SCNN1G: variants seen among roughly 807,000 people sequenced by gnomAD.
The protein encoded by SCNN1G is sodium channel epithelial 1 subunit gamma.
In SCNN1G, 27 loss-of-function variants were observed where a neutral mutation model predicts 64.6. The observed-to-expected ratio is 0.42, with a 90% CI of 0.31 to 0.58. The LOEUF (loss-of-function observed/expected upper bound fraction) is 0.58. Among genes scored for constraint, SCNN1G ranks in the 20% least tolerant of loss-of-function variants. The pLI is 0.18. For missense variants in SCNN1G, 743 were observed against 823.4 expected (o/e 0.90, Z 1.19); for synonymous variants, 330 against 314.2 (o/e 1.05, Z -0.53).
chr16:23,210,067 C>A (rs1052041981), intron 7 of SCNN1G, among the ~76,000 whole-genome samples: 4 of 152,288 alleles, frequency 2.6e-5, no homozygotes, highest in African/African-American at 9.6e-5. Flanking sequence ...CTGTGGAACT[C>A]AATGTACAGC....
intron 6 of SCNN1G, among the ~76,000 whole-genome samples, chr16:23,205,523 C>A (rs946476965): frequency 7.2e-5 from 11 of 152,024 alleles, no homozygotes; most frequent in African/African-American, 2.7e-4. Context: ...CATGGTGAAA[C>A]CCCATCTCTA....
intron 6 of SCNN1G, among the ~76,000 whole-genome samples, chr16:23,206,602 G>A (rs1458108002): frequency 6.6e-6 from 1 of 152,104 alleles, no homozygotes; most frequent in Non-Finnish European, 1.5e-5. Flanking sequence ...GTGACAGATC[G>A]AGACCCTGTC....
rs778177422 is a variant in SCNN1G, at chr16:23,215,473, A to G, written c.*4A>G. Reference sequence around the variant, plus strand: ...CCAGATGCTGGATGAGCTCTGAGGCAGGGTTGAGAAGACAGATCTAGTCAG... The same window carrying G: ...CCAGATGCTGGATGAGCTCTGAGGCGGGGTTGAGAAGACAGATCTAGTCAG... On this transcript the variant is annotated 3_prime_UTR_variant, in exon 13 of 13. Transcript: ENST00000300061. 11 of 1,606,580 alleles carry G rather than the reference A, an allele frequency of 6.8e-6. No homozygotes were observed. The South Asian group carries it at 1.2e-4, about 18-fold the overall frequency.
At chr16:23,186,729 C>A in intron 2 of SCNN1G, 141 bp downstream of exon 2, 1 of 761,096 alleles carries the variant, frequency 1.3e-6, no homozygotes, top group Non-Finnish European at 2.2e-6. Context: ...GAATTTGTTG[C>A]TAACGCTGGT....
At chr16:23,208,583 C>CTCCCT (rs951336928) in intron 6 of SCNN1G, among the ~76,000 whole-genome samples, 18 of 151,402 alleles carry the variant, frequency 1.2e-4, no homozygotes, top group Admixed American at 2.0e-4. Flanking sequence ...CTTCCTTTCT[C>CTCCCT]TCCCTTCCCT....
intron 6 of SCNN1G, among the ~76,000 whole-genome samples, chr16:23,198,991 C>A (rs1344251188): frequency 6.6e-6 from 1 of 151,744 alleles, no homozygotes; most frequent in African/African-American, 2.4e-5. Context: ...GAGTTCAAGA[C>A]CCAGCTTGGG....
rs199888130 is a variant in SCNN1G at position 23,192,409 on chromosome 16, A to G, written c.676A>G (p.Ile226Val). 25 of 1,613,998 alleles carry G rather than the reference A, an allele frequency of 1.5e-5. No individual in the cohort carries two copies. Among genetic ancestry groups the G allele is most frequent in the Non-Finnish European group, 2.0e-5 (24 of 1,179,968 alleles). ...CACCTTCAGCTCGGGAATCAATGCCATTCAGGAGTGGTATAAGCTACACTA... is the reference window on the plus strand; with the variant it reads ...CACCTTCAGCTCGGGAATCAATGCCGTTCAGGAGTGGTATAAGCTACACTA... Reference protein sequence around the residue: ...TYTFSSGINAIQEWYKLHYMN... With the variant: ...TYTFSSGINAVQEWYKLHYMN... The change falls in exon 4 of 13, where the codon ATT becomes GTT. Residue 226 changes from isoleucine (I) to valine (V), a missense_variant. By Grantham distance (29) the Ile-to-Val change is conservative. Coordinates refer to ENST00000300061, the MANE Select transcript of SCNN1G (RefSeq NM_001039.4).
Position 23,186,493 on chromosome 16 carries a change from C to A in SCNN1G, c.222C>A (p.Leu74=). 3.1e-6 allele frequency: 5 copies of A among 1,614,094 alleles called. No homozygotes were observed. Among genetic ancestry groups the A allele is most frequent in the Non-Finnish European group, 4.2e-6 (5 of 1,180,020 alleles). Residue 74 remains leucine, a synonymous_variant, in exon 2 of 13, where the codon CTC becomes CTA. Coordinates refer to ENST00000300061, the MANE Select transcript of SCNN1G (RefSeq NM_001039.4). Reference sequence around the variant, plus strand: ...TCATCCTCTGGCAGTGCGCCCTCCTCGTCTTCTCCTTCTATACTGTCTCAG... The same window carrying A: ...TCATCCTCTGGCAGTGCGCCCTCCTAGTCTTCTCCTTCTATACTGTCTCAG... The part of the protein sequence containing the change: ...VALILWQCAL[L]VFSFYTVSVS...
At chr16:23,189,045 T>G (rs938768537) in intron 2 of SCNN1G, among the ~76,000 whole-genome samples, 2 of 151,928 alleles carry the variant, frequency 1.3e-5, no homozygotes, top group Non-Finnish European at 2.9e-5. Flanking sequence ...CTGTGGCTGG[T>G]TTATGGGAGG....
intron 2 of SCNN1G, 35 bp from the exon 3 acceptor site, chr16:23,189,336 C>G (rs779839032): frequency 6.2e-7 from 1 of 1,607,812 alleles, no homozygotes; most frequent in Non-Finnish European, 8.5e-7. Flanking sequence ...AGGGCCGCCT[C>G]CCCTCTCCCT....
intron 1 of SCNN1G, among the ~76,000 whole-genome samples, 174 bp downstream of exon 1, chr16:23,182,987 AGCTCTCCCG>A (rs1959544896): frequency 6.6e-6 from 1 of 152,086 alleles, no homozygotes; most frequent in Non-Finnish European, 1.5e-5. Flanking sequence ...GGTAGCGGCC[AGCTCTCCCG>A]GGTCTACCCA....
rs72646490 is a variant in SCNN1G, at chr16:23,189,033, C to T, written c.318-338C>T. ...TGGTTGGCAGTTATTTACTTGTCCT[C>T]ACTGTGGCTGGTTTATGGGAGGCAC... On this transcript the variant is annotated intron_variant, in intron 2 of 12. Coordinates refer to ENST00000300061, the MANE Select transcript of SCNN1G (RefSeq NM_001039.4). Among the ~76,000 whole-genome samples the T allele has an allele frequency of 5.7e-4, 87 of 152,246 alleles. 1 individual carries two copies. The highest frequency in any genetic ancestry group is 1.5e-3 in the African/African-American group (62 of 41,544).
intron 3 of SCNN1G, among the ~76,000 whole-genome samples, chr16:23,191,793 T>C (rs1235346354): frequency 1.3e-5 from 2 of 152,234 alleles, no homozygotes; most frequent in East Asian, 3.8e-4. Context: ...ATTTGGAATG[T>C]ATAATGGCTT....
intron 2 of SCNN1G, among the ~76,000 whole-genome samples, chr16:23,188,466 T>G (rs1425425744): frequency 6.6e-6 from 1 of 151,996 alleles, no homozygotes; most frequent in Non-Finnish European, 1.5e-5. Flanking sequence ...GAACCATGAT[T>G]GCACCACTGC....
intron 6 of SCNN1G, among the ~76,000 whole-genome samples, chr16:23,197,983 G>T (rs1046333925): frequency 6.6e-6 from 1 of 152,142 alleles, no homozygotes; most frequent in Non-Finnish European, 1.5e-5. Flanking sequence ...TGGAAGCAAG[G>T]CATTAGGACA....
chr16:23,194,035 AG>A, intron 4 of SCNN1G, 135 bp from the exon 5 acceptor site: 1 of 715,872 alleles, frequency 1.4e-6, no homozygotes, highest in East Asian at 2.6e-5. Context: ...TTTGATCAGG[AG>A]CAAGATGGGG....
chr16:23,211,920 A>G, intron 7 of SCNN1G, 114 bp from the exon 8 acceptor site: 1 of 803,058 alleles, frequency 1.2e-6, no homozygotes, highest in Non-Finnish European at 2.2e-6. Flanking sequence ...GGGCAGGTTC[A>G]TGTGGTTGGC....
At position 23,210,759 on chromosome 16, in the gene SCNN1G, T is replaced by C. The variant is rs571889608; in HGVS notation, c.1176+911T>C. ...TAAAAGAGGACTTTTGGGCCAGGCATGGTAGCTCATGCCTATAATCCCAGC... is the reference window on the plus strand; with the variant it reads ...TAAAAGAGGACTTTTGGGCCAGGCACGGTAGCTCATGCCTATAATCCCAGC... On this transcript the variant is annotated intron_variant, in intron 7 of 12. Transcript: ENST00000300061. 3.4e-4 allele frequency among the ~76,000 whole-genome samples: 52 copies of C among 152,188 alleles called. 1 individual carries two copies. The highest frequency in any genetic ancestry group is 1.2e-3 in the African/African-American group (50 of 41,538).
At chr16:23,211,822 A>C (rs1382847354) in intron 7 of SCNN1G, among the ~76,000 whole-genome samples, 2 of 152,240 alleles carry the variant, frequency 1.3e-5, no homozygotes, top group East Asian at 3.9e-4. Context: ...AAAACATAAA[A>C]AATAAAAATA....
Sources: allele counts gnomAD v4.1 joint callset (sites outside exome capture counted in the v4.1 genomes callset), GRCh38; gene constraint gnomAD v4.1.1; transcripts MANE v1.5; gene names NCBI Gene and HGNC (gene_info 2026-07-23, HGNC 2026-07-21).